Variants in PCDH15 observed in about 807,000 individuals in gnomAD.
PCDH15 encodes protocadherin-15.
In PCDH15, 129 loss-of-function variants were observed where a neutral mutation model predicts 178.5. The observed-to-expected ratio is 0.72, with a 90% CI of 0.63 to 0.84. The LOEUF (loss-of-function observed/expected upper bound fraction) is 0.84. Among genes scored for constraint, PCDH15 ranks in the 40% least tolerant of loss-of-function variants. PCDH15 has a pLI of 0.00. For missense variants in PCDH15, 2,230 were observed against 2,099.9 expected (o/e 1.06, Z -1.21); for synonymous variants, 800 against 732.0 (o/e 1.09, Z -1.50).
At chr10:55,076,244 T>C (rs1841883362) in intron 2 of PCDH15, among the ~76,000 whole-genome samples, 1 of 152,170 alleles carries the variant, frequency 6.6e-6, no homozygotes, top group Non-Finnish European at 1.5e-5. Flanking sequence ...GTCTGTTATG[T>C]TCATTTGCTC....
At chr10:54,741,102 A>G (rs1238486587) in intron 1 of PCDH15, among the ~76,000 whole-genome samples, 1 of 151,856 alleles carries the variant, frequency 6.6e-6, no homozygotes, top group Non-Finnish European at 1.5e-5. Context: ...CATTGTATGC[A>G]TGTATCAAAA....
At chr10:55,506,669 T>G (rs918198937) in intron 2 of PCDH15, among the ~76,000 whole-genome samples, 1 of 151,564 alleles carries the variant, frequency 6.6e-6, no homozygotes, top group Non-Finnish European at 1.5e-5. Context: ...ATAATTTTTA[T>G]TCCCGGGAGA....
At position 54,752,489 on chromosome 10, in the gene PCDH15, AAACAAAAAACAAAAAAC is replaced by A. The variant is rs1371527985; in HGVS notation, c.-29+48419_-29+48435del. The stretch of plus-strand genomic sequence containing the variant: ...GAGACTCCGTCTCAAAAAAAAAAAA[AAACAAAAAACAAAAAAC>A]AAAAAACAAACAAACAAACAAACAA... On this transcript the variant is annotated intron_variant, in intron 1 of 37. Transcript: ENST00000644397. 1.0e-3 allele frequency among the ~76,000 whole-genome samples: 91 copies of A among 89,980 alleles called. 9 individuals carry two copies. The highest frequency in any genetic ancestry group is 1.7e-3 in the South Asian group (5 of 3,026). The allele number at this position is 89,980 out of a possible 152,430, so 59.0% of individuals were successfully genotyped here.
chr10:54,835,304 A>C (rs1450042963), intron 3 of PCDH15, among the ~76,000 whole-genome samples: 1 of 152,042 alleles, frequency 6.6e-6, no homozygotes, highest in East Asian at 1.9e-4. Context: ...TAAACCCACA[A>C]ATTTGTCATT....
chr10:54,760,036 C>G (rs1171469213), intron 1 of PCDH15, among the ~76,000 whole-genome samples: 3 of 152,158 alleles, frequency 2.0e-5, no homozygotes, highest in African/African-American at 4.8e-5. Context: ...TAAACAGATA[C>G]TTGGCTCATA....
intron 16 of PCDH15, among the ~76,000 whole-genome samples, chr10:54,085,217 A>G: frequency 6.6e-6 from 1 of 152,122 alleles, no homozygotes; most frequent in Middle Eastern, 3.2e-3. Flanking sequence ...GAAAAATATA[A>G]TTGAGCATTA....
chr10:55,125,163 TTGTGTGTGTG>T (rs34423359), intron 2 of PCDH15, among the ~76,000 whole-genome samples: 12 of 143,082 alleles, frequency 8.4e-5, no homozygotes, highest in Middle Eastern at 3.5e-3. Context: ...TTTTTTTTAA[TTGTGTGTGTG>T]TGTGTGTGTG....
intron 37 of PCDH15, chr10:53,809,009 G>C: frequency 1.3e-6 from 2 of 1,580,536 alleles, no homozygotes; most frequent in Non-Finnish European, 1.7e-6. Context: ...TCTTCTTGTG[G>C]CTCCTCTTTC....
At chr10:55,128,907 C>A (rs1444250101) in intron 2 of PCDH15, among the ~76,000 whole-genome samples, 1 of 152,056 alleles carries the variant, frequency 6.6e-6, no homozygotes, top group Non-Finnish European at 1.5e-5. Flanking sequence ...TGGATAATTG[C>A]AGTAAATACA....
At chr10:55,384,964 A>G (rs1285810650) in intron 2 of PCDH15, among the ~76,000 whole-genome samples, 7 of 152,160 alleles carry the variant, frequency 4.6e-5, no homozygotes, top group Non-Finnish European at 1.5e-5. Flanking sequence ...TATCACGAAC[A>G]TGTCAAAATT....
intron 8 of PCDH15, among the ~76,000 whole-genome samples, chr10:54,266,166 C>T (rs375332239): frequency 7.4e-4 from 99 of 134,164 alleles, no homozygotes; most frequent in African/African-American, 2.6e-3. Flanking sequence ...CACACACATA[C>T]ACACACACAC....
intron 2 of PCDH15, among the ~76,000 whole-genome samples, chr10:54,538,459 A>T (rs1416325351): frequency 1.3e-5 from 2 of 151,988 alleles, no homozygotes; most frequent in Admixed American, 1.3e-4. Context: ...TTTCTGTTTC[A>T]TTGGTCTATG....
intron 1 of PCDH15, among the ~76,000 whole-genome samples, chr10:54,713,388 G>T (rs2095445681): frequency 6.6e-6 from 1 of 151,976 alleles, no homozygotes; most frequent in African/African-American, 2.4e-5. Context: ...AATATATTTA[G>T]GTAAATAAAA....
intron 2 of PCDH15, among the ~76,000 whole-genome samples, chr10:55,395,730 T>A (rs1418986731): frequency 6.6e-6 from 1 of 152,086 alleles, no homozygotes; most frequent in Non-Finnish European, 1.5e-5. Context: ...TTATTTTACA[T>A]TGTTAAATAA....
At chr10:54,881,139 G>A (rs1954255632) in intron 3 of PCDH15, among the ~76,000 whole-genome samples, 1 of 152,012 alleles carries the variant, frequency 6.6e-6, no homozygotes, top group Non-Finnish European at 1.5e-5. Context: ...GATCTGTGAT[G>A]GTTTCATATG....
chr10:54,415,551 ATAGT>A (rs1183231728), intron 3 of PCDH15, among the ~76,000 whole-genome samples: 14 of 152,126 alleles, frequency 9.2e-5, no homozygotes, highest in Non-Finnish European at 2.1e-4. Flanking sequence ...AATTTAGAAA[ATAGT>A]TAAGTATTTA....
At chr10:54,849,983 G>A (rs77399004) in intron 3 of PCDH15, among the ~76,000 whole-genome samples, 9,608 of 151,996 alleles carry the variant, frequency 0.063, 381 homozygotes, top group South Asian at 0.12. Context: ...GATTGGGAGA[G>A]GTATCAGATA....
At chr10:54,340,169 G>C (rs2134058216) in intron 6 of PCDH15, among the ~76,000 whole-genome samples, 1 of 152,180 alleles carries the variant, frequency 6.6e-6, no homozygotes, top group East Asian at 1.9e-4. Flanking sequence ...TGAAAGGATA[G>C]GGAATGCTGC....
intron 2 of PCDH15, among the ~76,000 whole-genome samples, chr10:54,916,647 C>A (rs1046989059): frequency 2.0e-5 from 3 of 152,160 alleles, no homozygotes; most frequent in African/African-American, 7.2e-5. Context: ...TTCTAAGGAG[C>A]AAAAGCCATC....
Sources: gnomAD v4.1 joint callset for allele counts (sites outside exome capture counted in the v4.1 genomes callset) on GRCh38, gnomAD v4.1.1 for gene constraint, MANE v1.5 for transcripts, NCBI Gene and HGNC (gene_info 2026-07-23, HGNC 2026-07-21) for gene names.